Variants in NPC1 observed in about 807,000 individuals in gnomAD.
NPC1 encodes Niemann-Pick C1 protein.
NPC1 carries 85 observed loss-of-function variants against 140.4 expected under a neutral mutation model. The ratio of observed to expected loss-of-function variants is 0.61; its 90% CI spans 0.51 to 0.72. The LOEUF (loss-of-function observed/expected upper bound fraction) is 0.72. Ranked by LOEUF, NPC1 falls within the 30% of genes least tolerant of loss-of-function variation. The pLI is 0.00. For missense variants in NPC1, 1,504 were observed against 1,623.8 expected, an observed-to-expected ratio of 0.93 and a Z score of 1.27; for synonymous variants, 656 against 624.8, an observed-to-expected ratio of 1.05 and a Z score of -0.74.
rs1158350199 is a variant in NPC1, at chr18:23,540,418, A to T, written c.2604+30T>A. 21 of 164,044 alleles carry T rather than the reference A, an allele frequency of 1.3e-4. No homozygotes were observed. The East Asian group carries it at 1.3e-3, about 10-fold the overall frequency. 10.2% of individuals were successfully genotyped at this position (164,044 alleles called of 1,614,324 possible). ...GTATTCATCATCAGCTAAAGAAGTT[A>T]AAAAAAAAAAAAAAAGGAAGTCATC... is the stretch of plus-strand genomic sequence containing the variant. On this transcript the variant is annotated intron_variant, in intron 17 of 24. Coordinates refer to ENST00000269228, the MANE Select transcript of NPC1 (RefSeq NM_000271.5).
chr18:23,565,349 T>G (rs2059108588), intron 4 of NPC1, among the ~76,000 whole-genome samples: 1 of 152,170 alleles, frequency 6.6e-6, no homozygotes, highest in South Asian at 2.1e-4. Context: ...TGTTCTTTAG[T>G]GTGTTTTTTC....
At chr18:23,524,563 A>G, downstream of NPC1, 1 of 1,435,434 alleles carries the variant, frequency 7.0e-7, no homozygotes, top group South Asian at 1.2e-5. Context: ...GGACGTTTTC[A>G]AGGTGAATCT....
intron 3 of NPC1, among the ~76,000 whole-genome samples, chr18:23,511,823 G>A (rs1038542109): frequency 6.6e-6 from 1 of 152,110 alleles, no homozygotes; most frequent in African/African-American, 2.4e-5. Context: ...TAACATGCTT[G>A]TACACACTTC....
chr18:23,571,924 T>C, intron 3 of NPC1, 150 bp downstream of exon 3: 3 of 279,142 alleles, frequency 1.1e-5, no homozygotes, highest in Non-Finnish European at 2.0e-5. Context: ...CTACTTTACA[T>C]GTATACATAT....
Position 23,539,652 on chromosome 18 carries a change from A to C in NPC1, c.2795+159T>G, listed in dbSNP as rs1372452215. 3 of 902,602 alleles carry C rather than the reference A, an allele frequency of 3.3e-6. No homozygotes were observed. The Admixed American group carries it at 6.4e-5, about 19-fold the overall frequency. The allele number at this position is 902,602 out of a possible 1,614,324, so 55.9% of individuals were successfully genotyped here. ...TATTAGGTGGTAAATTAGTCCTTTC[A>C]AAGGTTTTTTAAGGTAAAGCCAGAT... On this transcript the variant is annotated intron_variant, in intron 18 of 24. Coordinates refer to ENST00000269228, the MANE Select transcript of NPC1 (RefSeq NM_000271.5).
At chr18:23,532,361 G>A (rs1390964012) in intron 24 of NPC1, 77 bp from the exon 25 acceptor site, 14 of 1,509,906 alleles carry the variant, frequency 9.3e-6, no homozygotes, top group African/African-American at 1.4e-5. Flanking sequence ...GCTCACGCCT[G>A]TAATCCCACT....
chr18:23,572,268 T>C lies in NPC1; in HGVS notation c.181-88A>G, dbSNP rs76233399. On this transcript the variant is annotated intron_variant, in intron 2 of 24. Transcript: ENST00000269228. ...CAGTGAACTAAGACACATTCATTCA[T>C]GTAATCCTTTTGAAGTACAAAAGGG... 9,814 of 855,178 alleles carry C rather than the reference T, an allele frequency of 0.011. 76 individuals are homozygous for C. Among genetic ancestry groups the C allele is most frequent in the Non-Finnish European group, 0.015 (7,847 of 506,284 alleles). The allele number at this position is 855,178 out of a possible 1,614,324, so 53.0% of individuals were successfully genotyped here. A position where few individuals can be genotyped will look rare whatever the true frequency, so the allele number is the denominator to read the frequency against.
chr18:23,526,968 AT>A (rs2058315600), downstream of NPC1, among the ~76,000 whole-genome samples: 1 of 152,194 alleles, frequency 6.6e-6, no homozygotes, highest in Admixed American at 6.5e-5. Flanking sequence ...GAAAAGAACA[AT>A]AAATGGGATG....
chr18:23,506,708 A>G (rs916020436), intron 3 of NPC1: 10 of 344,894 alleles, frequency 2.9e-5, no homozygotes, highest in Admixed American at 1.9e-4. Flanking sequence ...TTATGTTGGA[A>G]CAATTCTCAG....
intron 24 of NPC1, chr18:23,533,064 C>G (rs2058563251): frequency 1.4e-6 from 1 of 732,824 alleles, no homozygotes; most frequent in Admixed American, 4.0e-5. Flanking sequence ...AGGAGCTGCC[C>G]TGCCTGCTGA....
downstream of NPC1, chr18:23,530,243 A>T: frequency 6.2e-7 from 1 of 1,614,190 alleles, no homozygotes. Context: ...GTCTGCTGTT[A>T]TCCCTAGAGA....
exon 2 of NPC1, chr18:23,522,530 G>GT (rs2058170032): frequency 1.3e-5 from 2 of 152,212 alleles, no homozygotes; most frequent in Non-Finnish European, 2.9e-5. Flanking sequence ...TGTATTTTAT[G>GT]TGTGGCCCAA....
At chr18:23,573,598 C>T in intron 1 of NPC1, 24 bp from the exon 2 acceptor site, 1 of 1,614,034 alleles carries the variant, frequency 6.2e-7, no homozygotes, top group East Asian at 2.2e-5. Flanking sequence ...ACACAAACTT[C>T]AGTGTTACCA....
rs1598986480 is a variant in NPC1 at position 23,561,249 on chromosome 18, C to A, written c.631+111G>T. The A allele has an allele frequency of 5.4e-6, 6 of 1,116,784 alleles. No homozygotes were observed. The East Asian group carries it at 1.4e-4, about 26-fold the overall frequency. The allele number at this position is 1,116,784 out of a possible 1,614,324, so 69.2% of individuals were successfully genotyped here. Reference sequence around the variant, plus strand: ...CTGGTCTGGAACTCCTGGTCTTAAGCAATTCTCTTGCCTCAGTCTCCCCAA... The same window carrying A: ...CTGGTCTGGAACTCCTGGTCTTAAGAAATTCTCTTGCCTCAGTCTCCCCAA... On this transcript the variant is annotated intron_variant, in intron 5 of 24. Coordinates refer to ENST00000269228, the MANE Select transcript of NPC1 (RefSeq NM_000271.5).
intron 11 of NPC1, among the ~76,000 whole-genome samples, chr18:23,545,488 C>CTG (rs111600486): frequency 8.5e-5 from 13 of 152,248 alleles, no homozygotes; most frequent in African/African-American, 2.7e-4. Context: ...AGTGATCCAC[C>CTG]TGCCTCAGCC....
At chr18:23,563,022 C>T (rs953759165) in intron 4 of NPC1, among the ~76,000 whole-genome samples, 3 of 152,142 alleles carry the variant, frequency 2.0e-5, no homozygotes, top group Non-Finnish European at 4.4e-5. Context: ...TGTATTCTAG[C>T]TATGCACAAC....
In NPC1 at chr18:23,586,467, C is replaced by T. The variant is rs1034374291; in HGVS notation, c.-124G>A. ...GGAGGAGCGGAGGAGCAGGAGCAGG[C>T]GCTGACCGCGGCAGCAGGCTGCGCG... On this transcript the variant is annotated 5_prime_UTR_variant, in exon 1 of 25. Coordinates refer to ENST00000269228, the MANE Select transcript of NPC1 (RefSeq NM_000271.5). 4.1e-6 allele frequency: 6 copies of T among 1,461,252 alleles called. No individual in the cohort carries two copies. Among genetic ancestry groups the T allele is most frequent in the Non-Finnish European group, 5.4e-6 (6 of 1,113,556 alleles). The allele number at this position is 1,461,252 out of a possible 1,614,324, so 90.5% of individuals were successfully genotyped here.
At chr18:23,549,307 C>T (rs923998185) in intron 10 of NPC1, among the ~76,000 whole-genome samples, 16 of 152,156 alleles carry the variant, frequency 1.1e-4, no homozygotes, top group African/African-American at 3.6e-4. Context: ...AGCAATCCTC[C>T]TGCCTTGGCC....
intron 4 of NPC1, among the ~76,000 whole-genome samples, chr18:23,565,753 G>A (rs370636617): frequency 2.6e-5 from 4 of 152,174 alleles, no homozygotes; most frequent in African/African-American, 7.2e-5. Flanking sequence ...ATTGTCCATT[G>A]CAAGTGTACA....
Sources: gnomAD v4.1 joint callset for allele counts (sites outside exome capture counted in the v4.1 genomes callset) on GRCh38, gnomAD v4.1.1 for gene constraint, MANE v1.5 for transcripts, NCBI Gene and HGNC (gene_info 2026-07-23, HGNC 2026-07-21) for gene names.